Variants in CHST4 observed in about 807,000 individuals in gnomAD.
CHST4 encodes carbohydrate sulfotransferase 4, also known as GST-3.
For missense variants in CHST4, 466 were observed against 506.0 expected, an observed-to-expected ratio of 0.92 and a Z score of 0.76; for synonymous variants, 171 against 195.5, an observed-to-expected ratio of 0.87 and a Z score of 1.05.
intron 1 of CHST4, among the ~76,000 whole-genome samples, chr16:71,529,646 A>G (rs1177378165): frequency 2.2e-5 from 3 of 138,956 alleles, no homozygotes; most frequent in Non-Finnish European, 4.5e-5. Flanking sequence ...TCAAGCCCAC[A>G]CTCATCTATT....
chr16:71,526,442 T>A lies in CHST4; in HGVS notation c.-72T>A, dbSNP rs1054556971. 5 of 152,442 alleles carry A rather than the reference T, an allele frequency of 3.3e-5. No homozygotes were observed. Among genetic ancestry groups the A allele is most frequent in the African/African-American group, 1.2e-4 (5 of 41,380 alleles). The allele number at this position is 152,442 out of a possible 1,614,324, so 9.4% of individuals were successfully genotyped here. On this transcript the variant is annotated 5_prime_UTR_variant, in exon 1 of 2. The change abolishes an upstream ATG in the 5' untranslated region. Transcript: ENST00000539698. ...TGGTGAGTCAGAGGAGAAAAGCGCA[T>A]GGCCCGGCTAGCAGTGAGCCTCTCA...
intron 1 of CHST4, among the ~76,000 whole-genome samples, chr16:71,529,390 C>G (rs2043931094): frequency 6.6e-6 from 1 of 151,908 alleles, no homozygotes; most frequent in African/African-American, 2.4e-5. Context: ...GTAATGTGCT[C>G]ACTGTTCCAT....
intron 1 of CHST4, among the ~76,000 whole-genome samples, chr16:71,533,318 A>G (rs2043961677): frequency 6.6e-6 from 1 of 151,254 alleles, no homozygotes; most frequent in African/African-American, 2.4e-5. Context: ...TCACCTACTC[A>G]GGGGGCTGAG....
intron 1 of CHST4, among the ~76,000 whole-genome samples, chr16:71,534,660 G>A (rs1363853730): frequency 1.3e-5 from 2 of 151,792 alleles, no homozygotes; most frequent in Non-Finnish European, 2.9e-5. Flanking sequence ...GCTCAGCCAT[G>A]AGCAACATTT....
At chr16:71,533,820 G>A (rs1320153804) in intron 1 of CHST4, among the ~76,000 whole-genome samples, 2 of 151,910 alleles carry the variant, frequency 1.3e-5, no homozygotes, top group African/African-American at 2.4e-5. Context: ...GAGGCAGGCG[G>A]ATCACAAGGT....
chr16:71,531,691 G>A (rs1233402783), intron 1 of CHST4, among the ~76,000 whole-genome samples: 2 of 152,192 alleles, frequency 1.3e-5, no homozygotes, highest in African/African-American at 2.4e-5. Flanking sequence ...GATGGAGGGA[G>A]GGAGGGTGTC....
chr16:71,537,952 C>T lies in CHST4; in HGVS notation c.*114C>T. The T allele has an allele frequency of 1.0e-6, 1 of 981,452 alleles. No individual in the cohort carries two copies. 60.8% of individuals were successfully genotyped at this position (981,452 alleles called of 1,614,324 possible). A position where few individuals can be genotyped will look rare whatever the true frequency, so the allele number is the denominator to read the frequency against. On this transcript the variant is annotated 3_prime_UTR_variant, in exon 2 of 2. Coordinates refer to ENST00000539698, the MANE Select transcript of CHST4 (RefSeq NM_001166395.2). This position sits in a 1 kb window ranked among gnomAD's most constrained non-coding sequence, Gnocchi z 4.2. ...TAACTACATGTCTGTGGGTATCACA[C>T]TGAGTGTGAGTTGTGTCCACACGTG...
chr16:71,530,626 G>A (rs557201524), intron 1 of CHST4, among the ~76,000 whole-genome samples: 39 of 151,712 alleles, frequency 2.6e-4, no homozygotes, highest in Non-Finnish European at 4.9e-4. Context: ...AATTATCTGG[G>A]TGTGATTGGA....
chr16:71,530,944 G>A (rs2043944133), intron 1 of CHST4, among the ~76,000 whole-genome samples: 1 of 152,048 alleles, frequency 6.6e-6, no homozygotes, highest in African/African-American at 2.4e-5. Context: ...AGCTGGGCAC[G>A]GTGGTGGGCA....
chr16:71,538,120 C>A lies in CHST4; in HGVS notation c.*282C>A. On this transcript the variant is annotated 3_prime_UTR_variant, in exon 2 of 2. Coordinates refer to ENST00000539698, the MANE Select transcript of CHST4 (RefSeq NM_001166395.2). The stretch of plus-strand genomic sequence containing the variant: ...TTCCTGTCTGGGCAGACTTCAGAGA[C>A]TTTGTGGCCTGGAGGCCTATTAAGC... 1 of 455,842 alleles carries A rather than the reference C, an allele frequency of 2.2e-6. No individual in the cohort carries two copies. Among genetic ancestry groups the A allele is most frequent in the South Asian group, 3.7e-5 (1 of 26,668 alleles). 28.2% of individuals were successfully genotyped at this position (455,842 alleles called of 1,614,324 possible). A position where few individuals can be genotyped will look rare whatever the true frequency, so the allele number is the denominator to read the frequency against.
intron 1 of CHST4, among the ~76,000 whole-genome samples, chr16:71,528,859 C>T (rs916901663): frequency 8.5e-5 from 13 of 152,122 alleles, no homozygotes; most frequent in African/African-American, 2.4e-4. Context: ...TAATCAGCTG[C>T]TGCTTGAGGT....
At chr16:71,534,783 C>T (rs1303502793) in intron 1 of CHST4, among the ~76,000 whole-genome samples, 1 of 152,192 alleles carries the variant, frequency 6.6e-6, no homozygotes, top group African/African-American at 2.4e-5. Context: ...CCCCACTTAC[C>T]ATCTGGAAAT....
At chr16:71,529,141 G>A (rs1398198075) in intron 1 of CHST4, among the ~76,000 whole-genome samples, 1 of 150,260 alleles carries the variant, frequency 6.7e-6, no homozygotes, top group East Asian at 1.9e-4. Context: ...TGTTAGCCTA[G>A]TAACTGAGCT....
chr16:71,532,125 G>A (rs936668904), intron 1 of CHST4, among the ~76,000 whole-genome samples: 4 of 145,758 alleles, frequency 2.7e-5, no homozygotes, highest in Non-Finnish European at 5.9e-5. Flanking sequence ...TCGGCTCACT[G>A]CAAGCTCTGC....
chr16:71,528,364 G>T (rs2043923418), intron 1 of CHST4, among the ~76,000 whole-genome samples: 1 of 151,620 alleles, frequency 6.6e-6, no homozygotes, highest in South Asian at 2.1e-4. Flanking sequence ...TCCTTTCTGG[G>T]TCTCATATAG....
chr16:71,535,019 GTCCTT>G, intron 1 of CHST4, among the ~76,000 whole-genome samples: 1 of 152,330 alleles, frequency 6.6e-6, no homozygotes, highest in African/African-American at 2.4e-5. Context: ...GGGAACCGTG[GTCCTT>G]TCACACGAAG....
chr16:71,535,844 T>A (rs1040797936), intron 1 of CHST4, among the ~76,000 whole-genome samples: 1 of 152,198 alleles, frequency 6.6e-6, no homozygotes, highest in Non-Finnish European at 1.5e-5. Context: ...AGGTCGACAT[T>A]GGATCAACTC....
At chr16:71,530,009 G>A (rs1191013099) in intron 1 of CHST4, among the ~76,000 whole-genome samples, 4 of 152,102 alleles carry the variant, frequency 2.6e-5, no homozygotes, top group Non-Finnish European at 5.9e-5. Flanking sequence ...TTAGCTGGGC[G>A]TGGCTGTAAT....
intron 1 of CHST4, among the ~76,000 whole-genome samples, chr16:71,532,034 T>G (rs1253499832): frequency 6.7e-6 from 1 of 149,328 alleles, no homozygotes; most frequent in East Asian, 2.0e-4. Flanking sequence ...CAGCACATCT[T>G]AGCTGGTCCT....
Sources: gnomAD v4.1 joint callset for allele counts (sites outside exome capture counted in the v4.1 genomes callset) on GRCh38, gnomAD v4.1.1 for gene constraint, Gnocchi (gnomAD v3.1) non-coding constraint, MANE v1.5 for transcripts, NCBI Gene and HGNC (gene_info 2026-07-23, HGNC 2026-07-21) for gene names.